Variants in CNTNAP5 observed in about 807,000 individuals in gnomAD.
CNTNAP5 encodes the protein contactin associated protein family member 5, also known as contactin-associated protein-like 5.
A neutral mutation model predicts 150.2 loss-of-function variants in CNTNAP5; 72 were observed. The observed-to-expected ratio is 0.48, with a 90% CI of 0.40 to 0.58. CNTNAP5 has a LOEUF of 0.58. Among genes scored for constraint, CNTNAP5 ranks in the 20% least tolerant of loss-of-function variants. The probability of loss-of-function intolerance (pLI) is 0.00; values close to 1 mark genes in which losing one functional copy is unlikely to be tolerated. For missense variants in CNTNAP5, 1,636 were observed against 1,626.2 expected, an observed-to-expected ratio of 1.01 and a Z score of -0.10; for synonymous variants, 672 against 619.8, an observed-to-expected ratio of 1.08 and a Z score of -1.25.
At chr2:124,799,818 C>A (rs1309931150) in intron 19 of CNTNAP5, among the ~76,000 whole-genome samples, 1 of 152,030 alleles carries the variant, frequency 6.6e-6, no homozygotes, top group Non-Finnish European at 1.5e-5. Flanking sequence ...AACAGGTGTC[C>A]TTCTTTCTAA....
chr2:124,308,593 A>G (rs965920327), intron 3 of CNTNAP5, among the ~76,000 whole-genome samples: 2 of 152,218 alleles, frequency 1.3e-5, no homozygotes, highest in Non-Finnish European at 2.9e-5. Flanking sequence ...AAAAGCACAT[A>G]ATCAGTTTGT....
intron 3 of CNTNAP5, among the ~76,000 whole-genome samples, chr2:124,377,050 G>A (rs2104733298): frequency 6.6e-6 from 1 of 152,150 alleles, no homozygotes; most frequent in South Asian, 2.1e-4. Flanking sequence ...AGAAGTGTGA[G>A]GGACAAAATA....
rs193181084 is a variant in CNTNAP5 at position 124,794,908 on chromosome 2, T to C, written c.2993-3188T>C. Among the ~76,000 whole-genome samples the C allele has an allele frequency of 8.5e-4, 130 of 152,342 alleles. 1 individual carries two copies. The highest frequency in any genetic ancestry group is 3.0e-3 in the African/African-American group (126 of 41,582). On this transcript the variant is annotated intron_variant, in intron 18 of 23. Transcript: ENST00000682447. ...CGTAGCCACAGGATCATTATTATAA[T>C]AAAAGTATAATAATTTTTGAAATAA...
rs560353476 is a variant in CNTNAP5 at position 124,900,421 on chromosome 2, C to T, written c.3437-2461C>T. Among the ~76,000 whole-genome samples the T allele has an allele frequency of 2.9e-4, 44 of 151,514 alleles. 1 individual carries two copies. The highest frequency in any genetic ancestry group is 1.0e-3 in the African/African-American group (41 of 40,936). ...TCATGATCTCGAGCATCATGCAGAG[C>T]ATATTTTCTCCTATCAGGGATTCTT... On this transcript the variant is annotated intron_variant, in intron 21 of 23. Transcript: ENST00000682447.
At chr2:124,721,252 G>A (rs953033936) in intron 13 of CNTNAP5, among the ~76,000 whole-genome samples, 2 of 152,128 alleles carry the variant, frequency 1.3e-5, no homozygotes, top group African/African-American at 2.4e-5. Context: ...GCCGAGGCAC[G>A]TGGATCACTT....
At chr2:124,477,329 G>A (rs1693665363) in intron 7 of CNTNAP5, among the ~76,000 whole-genome samples, 2 of 152,016 alleles carry the variant, frequency 1.3e-5, no homozygotes, top group African/African-American at 4.8e-5. Context: ...GAATTTTTTT[G>A]TGTTTTGAGG....
chr2:124,365,659 C>A (rs1690353775), intron 3 of CNTNAP5, among the ~76,000 whole-genome samples: 3 of 152,148 alleles, frequency 2.0e-5, no homozygotes, highest in Admixed American at 2.0e-4. Context: ...TTTACTACCT[C>A]TTATAAAAGT....
chr2:124,210,613 C>T (rs989408702), intron 1 of CNTNAP5, among the ~76,000 whole-genome samples: 1 of 152,082 alleles, frequency 6.6e-6, no homozygotes, highest in African/African-American at 2.4e-5. Context: ...GTCTCTTACC[C>T]TCAATTCTCT....
At chr2:124,360,928 C>A (rs1244188028) in intron 3 of CNTNAP5, among the ~76,000 whole-genome samples, 1 of 145,926 alleles carries the variant, frequency 6.9e-6, no homozygotes, top group South Asian at 2.2e-4. Context: ...CCCTTCTCCC[C>A]ATCACTTTCA....
rs552306868 is a variant in CNTNAP5, at chr2:124,347,130, A to C, written c.382-70313A>C. Among the ~76,000 whole-genome samples, 4 of 152,158 alleles carry C rather than the reference A, an allele frequency of 2.6e-5. No individual in the cohort carries two copies. In the South Asian group the frequency reaches 8.3e-4, roughly 32 times the overall value. On this transcript the variant is annotated intron_variant, in intron 3 of 23. Coordinates refer to ENST00000682447, the MANE Select transcript of CNTNAP5 (RefSeq NM_001367498.1). ...TTAAATCCAGTACTGTAAGATAATAAATTTGTGTTTTCTGAGCCACTATGT... is the reference window on the plus strand; with the variant it reads ...TTAAATCCAGTACTGTAAGATAATACATTTGTGTTTTCTGAGCCACTATGT...
chr2:124,228,165 C>A (rs567419345), intron 2 of CNTNAP5, among the ~76,000 whole-genome samples: 1 of 152,142 alleles, frequency 6.6e-6, no homozygotes, highest in East Asian at 1.9e-4. Flanking sequence ...TGGTATCAGT[C>A]CCAGAGCCCA....
chr2:124,588,203 T>C (rs1307727817), intron 11 of CNTNAP5, among the ~76,000 whole-genome samples: 3 of 147,126 alleles, frequency 2.0e-5, no homozygotes, highest in Non-Finnish European at 4.5e-5. Flanking sequence ...TTTCTTTCTT[T>C]CTTTCTTTCT....
intron 3 of CNTNAP5, among the ~76,000 whole-genome samples, chr2:124,360,438 G>A (rs1375856716): frequency 1.9e-4 from 28 of 146,580 alleles, no homozygotes; most frequent in African/African-American, 3.7e-4. Context: ...ATTTTGCAGC[G>A]GCTGGTACCG....
chr2:124,660,798 G>T lies in CNTNAP5; in HGVS notation c.2077+12840G>T, dbSNP rs1678571659. On this transcript the variant is annotated intron_variant, in intron 13 of 23. Coordinates refer to ENST00000682447, the MANE Select transcript of CNTNAP5 (RefSeq NM_001367498.1). ...TACAAGACAAAAGATACAAAAATGA[G>T]CTGGGCACTGTGGCTCAAACCTGTA... is the stretch of plus-strand genomic sequence containing the variant. Among the ~76,000 whole-genome samples, 3 of 152,010 alleles carry T rather than the reference G, an allele frequency of 2.0e-5. No homozygotes were observed. In the South Asian group the frequency reaches 6.2e-4, roughly 32 times the overall value.
At chr2:124,707,140 G>GGAAGAAGGAGAAGAAGAA (rs1679697594) in intron 13 of CNTNAP5, among the ~76,000 whole-genome samples, 1 of 86,380 alleles carries the variant, frequency 1.2e-5, no homozygotes, top group South Asian at 4.8e-4. Context: ...AAGAAGAAGA[G>GGAAGAAGGAGAAGAAGAA]GAAGAAGAAG....
At chr2:124,410,406 C>T (rs1485621904) in intron 3 of CNTNAP5, among the ~76,000 whole-genome samples, 2 of 151,458 alleles carry the variant, frequency 1.3e-5, no homozygotes, top group African/African-American at 4.8e-5. Context: ...AACTCTCCAC[C>T]CCAAATCAAC....
At chr2:124,684,012 T>C (rs1011591266) in intron 13 of CNTNAP5, among the ~76,000 whole-genome samples, 1 of 152,202 alleles carries the variant, frequency 6.6e-6, no homozygotes, top group Non-Finnish European at 1.5e-5. Flanking sequence ...AAGAATGTCA[T>C]GTTTCCAAAG....
intron 13 of CNTNAP5, among the ~76,000 whole-genome samples, chr2:124,665,835 G>A (rs1021441737): frequency 3.3e-5 from 5 of 150,654 alleles, no homozygotes; most frequent in South Asian, 2.1e-4. Context: ...GCAGTGAGCC[G>A]AGATCAAGCC....
chr2:124,653,511 A>G lies in CNTNAP5; in HGVS notation c.2077+5553A>G, dbSNP rs79072143. ...CATATTTGTCCATAATGCTATATACATTCATCACGTACTCTTTATGTGTCC... is the reference window on the plus strand; with the variant it reads ...CATATTTGTCCATAATGCTATATACGTTCATCACGTACTCTTTATGTGTCC... On this transcript the variant is annotated intron_variant, in intron 13 of 23. Transcript: ENST00000682447. 3.0e-3 allele frequency among the ~76,000 whole-genome samples: 452 copies of G among 152,188 alleles called. 2 individuals carry two copies. The highest frequency in any genetic ancestry group is 0.01 in the African/African-American group (425 of 41,538).
Sources: allele counts gnomAD v4.1 joint callset (sites outside exome capture counted in the v4.1 genomes callset), GRCh38; gene constraint gnomAD v4.1.1; transcripts MANE v1.5; gene names NCBI Gene and HGNC (gene_info 2026-07-23, HGNC 2026-07-21).